Variants in GSDME observed in about 807,000 individuals in gnomAD.
GSDME encodes gasdermin E.
GSDME carries 44 observed loss-of-function variants against 47.5 expected under a neutral mutation model. The observed-to-expected ratio is 0.93, with a 90% confidence interval of 0.73 to 1.19. GSDME has a LOEUF of 1.19. GSDME is among the 50% of genes most tolerant of loss of function. The pLI, the probability that GSDME is intolerant of heterozygous loss-of-function variation, is 0.00. For synonymous variants in GSDME, 258 were observed against 252.8 expected, an observed-to-expected ratio of 1.02 and a Z score of -0.20; for missense variants, 663 against 604.2, an observed-to-expected ratio of 1.10 and a Z score of -1.02.
chr7:24,785,797 T>C, the GSDME span, among the ~76,000 whole-genome samples: 79 of 152,346 alleles, frequency 5.2e-4, 1 homozygote, highest in Admixed American at 3.2e-3. Context: ...GGTCTTAGGC[T>C]GCCACTTCCT....
chr7:24,699,153 G>A lies in GSDME; in HGVS notation c.1364C>T (p.Ala455Val). The change falls in exon 10 of 10, where the codon GCT (alanine) becomes GTT (valine). Residue 455 changes from alanine to valine, a missense_variant. By Grantham distance (64) the Ala-to-Val change is moderately conservative. Transcript: ENST00000645220. ...CTTCAGTCTCTCCAGACTAATGTCAGCTGAGGCAAACAAGCGCTGCACAAT... is the reference window on the plus strand; with the variant it reads ...CTTCAGTCTCTCCAGACTAATGTCAACTGAGGCAAACAAGCGCTGCACAAT... ...FGIVQRLFAS[A>V]DISLERLKSS... 1 of 1,614,094 alleles carries A rather than the reference G, an allele frequency of 6.2e-7. No individual in the cohort carries two copies. The highest frequency in any genetic ancestry group is 8.5e-7 in the Non-Finnish European group (1 of 1,179,962).
intron 5 of GSDME, 38 bp from the exon 6 acceptor site, chr7:24,710,426 G>T (rs776595012): frequency 1.9e-6 from 3 of 1,611,238 alleles, no homozygotes; most frequent in Admixed American, 3.3e-5. Flanking sequence ...AGGTAAAGTT[G>T]AGTCTAAGGT....
At position 24,749,735 on chromosome 7, in the gene GSDME, C is replaced by T. The variant is rs759003602; in HGVS notation, c.40G>A (p.Asp14Asn). The T allele has an allele frequency of 1.2e-6, 2 of 1,614,166 alleles. No individual in the cohort carries two copies. Among genetic ancestry groups the T allele is most frequent in the East Asian group, 2.2e-5 (1 of 44,882 alleles). ...ACTGCAATCAGGTCACCATCAGCAT[C>T]AACTTCTCTAAGAAAATTCCTGGTT... ...KATRNFLREV[D>N]ADGDLIAVSN... The change falls in exon 2 of 10, where the codon GAT (aspartate) becomes AAT (asparagine). Residue 14 changes from aspartate (D) to asparagine (N), a missense_variant. By Grantham distance (23) the Asp-to-Asn change is conservative. Transcript: ENST00000645220.
At position 24,705,712 on chromosome 7, in the gene GSDME, T is replaced by C. The variant is rs76172893; in HGVS notation, c.1183+472A>G. 5.2e-3 allele frequency: 1,436 copies of C among 274,370 alleles called. 51 individuals are homozygous for C. The East Asian group carries it at 0.067, about 13-fold the overall frequency. The allele number at this position is 274,370 out of a possible 1,614,324, so 17.0% of individuals were successfully genotyped here. On this transcript the variant is annotated intron_variant, in intron 8 of 9. Transcript: ENST00000645220. The surrounding 1 kb of genome is among the most constrained non-coding windows in gnomAD (Gnocchi z 4.1). ...CAGCTCTGCCTCCCAGCCTAGTACATTGGATGGTTGAATGCTCTCCACAGC... is the reference window on the plus strand; with the variant it reads ...CAGCTCTGCCTCCCAGCCTAGTACACTGGATGGTTGAATGCTCTCCACAGC...
intron 5 of GSDME, among the ~76,000 whole-genome samples, chr7:24,713,216 A>G (rs1789423553): frequency 6.6e-6 from 1 of 152,152 alleles, no homozygotes; most frequent in Non-Finnish European, 1.5e-5. Flanking sequence ...GAACTCAGCA[A>G]GGCCTGTCTC....
In GSDME at chr7:24,733,195, G is replaced by GGGAA; in HGVS notation, c.404+11363_404+11366dup. Among the ~76,000 whole-genome samples the GGGAA allele has an allele frequency of 6.6e-6, 1 of 152,118 alleles. No homozygotes were observed. Among genetic ancestry groups the GGGAA allele is most frequent in the Non-Finnish European group, 1.5e-5 (1 of 68,024 alleles). ...GCCAGAATGTAACCTCCTGCCTTAA[G>GGGAA]GGAAGGATGCAGTTGTGACAGGATT... On this transcript the variant is annotated intron_variant, in intron 3 of 9. Transcript: ENST00000645220. This position sits in a 1 kb window ranked among gnomAD's most constrained non-coding sequence, Gnocchi z 4.3.
chr7:24,717,194 C>T (rs1789594967), intron 5 of GSDME, 60 bp downstream of exon 5: 2 of 1,601,792 alleles, frequency 1.2e-6, no homozygotes, highest in South Asian at 2.2e-5. Flanking sequence ...GCAGTCAAGT[C>T]CCTCTGCTGA....
intron 1 of GSDME, 51 bp from the exon 2 acceptor site, chr7:24,749,844 G>T: frequency 7.8e-7 from 1 of 1,282,072 alleles, no homozygotes. Context: ...CTATTTTGTG[G>T]CTTTTTTCCC....
rs1470031242 is a variant in GSDME, at chr7:24,736,601, T to C, written c.404+7961A>G. On this transcript the variant is annotated intron_variant, in intron 3 of 9. Transcript: ENST00000645220. The surrounding 1 kb of genome is among the most constrained non-coding windows in gnomAD (Gnocchi z 4.6). ...GACATCAACACCTAGCTTTCAGCAT[T>C]TGACAGATCATCCAGACAGAAAATC... Among the ~76,000 whole-genome samples the C allele has an allele frequency of 1.3e-5, 2 of 152,182 alleles. No individual in the cohort carries two copies. The highest frequency in any genetic ancestry group is 6.5e-5 in the Admixed American group (1 of 15,288).
the GSDME span, among the ~76,000 whole-genome samples, chr7:24,774,564 G>A: frequency 2.9e-3 from 438 of 151,586 alleles, 5 homozygotes; most frequent in African/African-American, 9.3e-3. Flanking sequence ...ATGGAGTCTC[G>A]CTCTGTCACC....
At chr7:24,702,458 C>T in intron 9 of GSDME, 1 of 368,628 alleles carries the variant, frequency 2.7e-6, no homozygotes, top group Non-Finnish European at 5.3e-6. Flanking sequence ...TAATGTAACA[C>T]CAAACCTTGG....
Position 24,706,252 on chromosome 7 carries a change from G to T in GSDME, c.1115C>A (p.Pro372Gln). 6.2e-7 allele frequency: 1 copy of T among 1,614,190 alleles called. No homozygotes were observed. The highest frequency in any genetic ancestry group is 8.5e-7 in the Non-Finnish European group (1 of 1,180,042). The stretch of plus-strand genomic sequence containing the variant: ...CTTGCTGCCTGCATCCTCGGGGCCC[G>T]GACACCCACCCTGTAAGCTGCACCC... ...LVGCSLQGGC[P>Q]GPEDAGSKQL... Residue 372 changes from proline (P) to glutamine (Q), a missense_variant, in exon 8 of 10, where the codon CCG becomes CAG. Pro to Gln is a moderately conservative substitution (Grantham distance 76). Coordinates refer to ENST00000645220, the MANE Select transcript of GSDME (RefSeq NM_001127453.2).
chr7:24,784,937 A>G, the GSDME span, among the ~76,000 whole-genome samples: 1 of 152,038 alleles, frequency 6.6e-6, no homozygotes, highest in Non-Finnish European at 1.5e-5. Flanking sequence ...CTCCCAATCC[A>G]CTGACTCAAA....
intron 7 of GSDME, chr7:24,707,628 TG>T: frequency 2.8e-6 from 1 of 356,678 alleles, no homozygotes; most frequent in East Asian, 7.0e-5. Context: ...CATCCTAGAT[TG>T]GGGTGGGCCC....
At chr7:24,785,254 T>G in the GSDME span, among the ~76,000 whole-genome samples, 2 of 152,208 alleles carry the variant, frequency 1.3e-5, no homozygotes, top group African/African-American at 4.8e-5. Context: ...AGATATGTAC[T>G]ACCTGACTTA....
Position 24,721,037 on chromosome 7 carries a change from G to A in GSDME, c.405-1819C>T, listed in dbSNP as rs2128054504. On this transcript the variant is annotated intron_variant, in intron 3 of 9. Coordinates refer to ENST00000645220, the MANE Select transcript of GSDME (RefSeq NM_001127453.2). This position sits in a 1 kb window ranked among gnomAD's most constrained non-coding sequence, Gnocchi z 4.1. The stretch of plus-strand genomic sequence containing the variant: ...GTGTGGTTCCTCATATGAAATATCT[G>A]GAACAGGCAAATTCATAATGACAGA... Among the ~76,000 whole-genome samples, 1 of 152,330 alleles carries A rather than the reference G, an allele frequency of 6.6e-6. No individual in the cohort carries two copies. Among genetic ancestry groups the A allele is most frequent in the South Asian group, 2.1e-4 (1 of 4,826 alleles).
rs559632895 is a variant in GSDME at position 24,699,030 on chromosome 7, G to C, written c.1487C>G (p.Ser496Ter). The change falls in exon 10 of 10, where the codon TCA becomes TGA. Residue 496 changes from serine (S) to a stop codon, truncating the protein, a stop_gained. Transcript: ENST00000645220. LOFTEE classifies it high-confidence loss of function. Reference sequence around the variant, plus strand: ...ACTTCTAGTTCACATATGACATCATGAATGTTCTCTGCCTAAAGCACAGAG... The same window carrying C: ...ACTTCTAGTTCACATATGACATCATCAATGTTCTCTGCCTAAAGCACAGAG... ...NGLCALGREH[S>*] The C allele has an allele frequency of 6.2e-7, 1 of 1,608,484 alleles. No homozygotes were observed. Among genetic ancestry groups the C allele is most frequent in the African/African-American group, 1.3e-5 (1 of 74,802 alleles).
chr7:24,749,352 A>C (rs1790778222), intron 2 of GSDME, among the ~76,000 whole-genome samples: 1 of 152,090 alleles, frequency 6.6e-6, no homozygotes, highest in South Asian at 2.1e-4. Context: ...AAATACAAAA[A>C]TTAGCTGGGC....
chr7:24,765,846 T>C, the GSDME span, among the ~76,000 whole-genome samples: 1 of 152,248 alleles, frequency 6.6e-6, no homozygotes, highest in Non-Finnish European at 1.5e-5. Flanking sequence ...TGTACAACTC[T>C]ATAAATTATT....
Sources: allele counts gnomAD v4.1 joint callset (sites outside exome capture counted in the v4.1 genomes callset), GRCh38; gene constraint gnomAD v4.1.1; non-coding constraint Gnocchi (gnomAD v3.1); transcripts MANE v1.5; gene names NCBI Gene and HGNC (gene_info 2026-07-23, HGNC 2026-07-21).